Variants in HRH1 observed in about 807,000 individuals in gnomAD.
The protein encoded by HRH1 is histamine H1 receptor.
A neutral mutation model predicts 10.3 loss-of-function variants in HRH1; 6 were observed. The ratio of observed to expected loss-of-function variants is 0.58; its 90% CI spans 0.32 to 1.15. The LOEUF (loss-of-function observed/expected upper bound fraction) is 1.15. Ranked by LOEUF, HRH1 falls within the 50% of genes most tolerant of loss-of-function variation. The pLI, the probability that HRH1 is intolerant of heterozygous loss-of-function variation, is 0.05. For synonymous variants in HRH1, 242 were observed against 236.7 expected (o/e 1.02, Z -0.21); for missense variants, 514 against 615.3 (o/e 0.84, Z 1.74).
At chr3:11,202,575 G>T (rs922531518) in intron 1 of HRH1, among the ~76,000 whole-genome samples, 1 of 152,038 alleles carries the variant, frequency 6.6e-6, no homozygotes, top group African/African-American at 2.4e-5. Flanking sequence ...CCCTAGCCAA[G>T]ATGTTTTGTT....
At chr3:11,237,704 C>T (rs1378003129) in intron 1 of HRH1, among the ~76,000 whole-genome samples, 2 of 103,590 alleles carry the variant, frequency 1.9e-5, no homozygotes, top group African/African-American at 4.0e-5. Context: ...GAGATGGAGT[C>T]TTGCTCTGTC....
At chr3:11,206,469 C>G (rs535388461) in intron 1 of HRH1, among the ~76,000 whole-genome samples, 1 of 152,274 alleles carries the variant, frequency 6.6e-6, no homozygotes, top group Non-Finnish European at 1.5e-5. Flanking sequence ...GGACTTCCTC[C>G]CAGCACTTGA....
chr3:11,189,761 T>TA (rs1201221950), intron 1 of HRH1, among the ~76,000 whole-genome samples: 29 of 138,680 alleles, frequency 2.1e-4, no homozygotes, highest in South Asian at 7.1e-4. Flanking sequence ...CCATCTCTAC[T>TA]AAAAAAATAA....
chr3:11,163,795 T>C (rs891937429), intron 1 of HRH1, among the ~76,000 whole-genome samples: 1 of 152,182 alleles, frequency 6.6e-6, no homozygotes, highest in Non-Finnish European at 1.5e-5. Flanking sequence ...TCTCTCTCTT[T>C]TCACCTCATT....
intron 1 of HRH1, among the ~76,000 whole-genome samples, chr3:11,207,791 T>C (rs1575012741): frequency 6.6e-6 from 1 of 151,928 alleles, no homozygotes; most frequent in Non-Finnish European, 1.5e-5. Flanking sequence ...ACAGAACTAC[T>C]CCCCCTACTT....
chr3:11,247,854 T>G (rs551325428), intron 1 of HRH1, among the ~76,000 whole-genome samples: 5 of 152,292 alleles, frequency 3.3e-5, no homozygotes, highest in African/African-American at 1.2e-4. Context: ...GCGCTGTTTC[T>G]ATAAGTCTTT....
chr3:11,231,822 C>A (rs1330344293), intron 1 of HRH1, among the ~76,000 whole-genome samples: 1 of 151,942 alleles, frequency 6.6e-6, no homozygotes, highest in Non-Finnish European at 1.5e-5. Context: ...CGAAAATTTT[C>A]CTTTTGATGG....
At position 11,258,394 on chromosome 3, in the gene HRH1, C is replaced by T. The variant is rs577122545; in HGVS notation, c.-35-609C>T. Among the ~76,000 whole-genome samples the T allele has an allele frequency of 3.9e-5, 6 of 152,282 alleles. No individual in the cohort carries two copies. In the East Asian group the frequency reaches 7.7e-4, roughly 20 times the overall value. ...TAGGCTGGCATTTTCTTGGCCTTCC[C>T]GATGGTCCCAAGATGACTCTCATGG... On this transcript the variant is annotated intron_variant, in intron 1 of 1. Coordinates refer to ENST00000431010, the MANE Select transcript of HRH1 (RefSeq NM_001098212.2).
At chr3:11,211,581 C>T (rs1274262072) in intron 1 of HRH1, among the ~76,000 whole-genome samples, 1 of 152,210 alleles carries the variant, frequency 6.6e-6, no homozygotes, top group Admixed American at 6.5e-5. Context: ...CAGGGCAGCT[C>T]CATGCCTCAG....
At chr3:11,235,772 G>A (rs888706866) in intron 1 of HRH1, among the ~76,000 whole-genome samples, 3 of 152,238 alleles carry the variant, frequency 2.0e-5, no homozygotes, top group East Asian at 1.9e-4. Flanking sequence ...GGACAGGAGC[G>A]GGGCACAGTG....
At chr3:11,158,624 A>G (rs1258754282) in intron 1 of HRH1, among the ~76,000 whole-genome samples, 1 of 152,006 alleles carries the variant, frequency 6.6e-6, no homozygotes, top group African/African-American at 2.4e-5. Context: ...TGGCTTCCTA[A>G]TGTTCATTTT....
chr3:11,219,949 TG>T (rs1472739726), intron 1 of HRH1, among the ~76,000 whole-genome samples: 2,353 of 130,428 alleles, frequency 0.018, 24 homozygotes, highest in East Asian at 0.057. Flanking sequence ...CTTAATGTGT[TG>T]TTTTTTTTTT....
At chr3:11,189,280 G>A (rs1937503298) in intron 1 of HRH1, among the ~76,000 whole-genome samples, 2 of 152,134 alleles carry the variant, frequency 1.3e-5, no homozygotes, top group African/African-American at 2.4e-5. Flanking sequence ...GAGTGGGTAG[G>A]GGAACGGCTC....
At chr3:11,206,183 C>T (rs1380826174) in intron 1 of HRH1, among the ~76,000 whole-genome samples, 3 of 152,186 alleles carry the variant, frequency 2.0e-5, no homozygotes, top group Non-Finnish European at 2.9e-5. Context: ...GGTGCAATCT[C>T]GGCCCACTGC....
At chr3:11,226,351 T>C (rs1938880603) in intron 1 of HRH1, 1 of 152,050 alleles carries the variant, frequency 6.6e-6, no homozygotes, top group African/African-American at 2.4e-5. Flanking sequence ...TCAGAAAGAT[T>C]GAAGAGTGGG....
At chr3:11,234,805 A>T (rs1450056369) in intron 1 of HRH1, among the ~76,000 whole-genome samples, 1 of 152,112 alleles carries the variant, frequency 6.6e-6, no homozygotes, top group Non-Finnish European at 1.5e-5. Flanking sequence ...TATTATTTCC[A>T]TTCTAAATTT....
intron 1 of HRH1, among the ~76,000 whole-genome samples, chr3:11,256,274 C>A (rs1406898958): frequency 6.6e-6 from 1 of 151,984 alleles, no homozygotes. Flanking sequence ...CAAAAAATAC[C>A]GCTGTAAGAA....
intron 1 of HRH1, among the ~76,000 whole-genome samples, chr3:11,240,600 A>G (rs1939306863): frequency 6.6e-6 from 1 of 151,558 alleles, no homozygotes; most frequent in African/African-American, 2.4e-5. Flanking sequence ...CCTGCCCGCA[A>G]GGTCATCTGC....
At chr3:11,172,522 T>C (rs1213393006) in intron 1 of HRH1, among the ~76,000 whole-genome samples, 1 of 152,114 alleles carries the variant, frequency 6.6e-6, no homozygotes, top group Admixed American at 6.5e-5. Flanking sequence ...GATGAAGTCA[T>C]CTATTTAGAT....
Sources: gnomAD v4.1 joint callset for allele counts (sites outside exome capture counted in the v4.1 genomes callset) on GRCh38, gnomAD v4.1.1 for gene constraint, MANE v1.5 for transcripts, NCBI Gene and HGNC (gene_info 2026-07-23, HGNC 2026-07-21) for gene names.